Variants in CDH4 observed in about 807,000 individuals in gnomAD.
CDH4 encodes the protein cadherin-4.
A neutral mutation model predicts 86.0 loss-of-function variants in CDH4; 33 were observed. That is an observed-to-expected ratio of 0.38 (90% CI 0.29 to 0.51). The LOEUF is 0.51. Among genes scored for constraint, CDH4 ranks in the 20% least tolerant of loss-of-function variants. CDH4 has a pLI of 0.86. For missense variants in CDH4, 1,114 were observed against 1,307.4 expected (o/e 0.85, Z 2.28); for synonymous variants, 555 against 549.4 (o/e 1.01, Z -0.14).
At chr20:61,368,775 C>T (rs979247167) in intron 2 of CDH4, among the ~76,000 whole-genome samples, 5 of 152,082 alleles carry the variant, frequency 3.3e-5, no homozygotes, top group African/African-American at 1.2e-4. Context: ...CCTTGGCCTC[C>T]CAAAGTGCTG....
chr20:61,687,663 C>T (rs1471608508), intron 2 of CDH4, among the ~76,000 whole-genome samples: 1 of 152,122 alleles, frequency 6.6e-6, no homozygotes, highest in African/African-American at 2.4e-5. Flanking sequence ...TTTTTAAATT[C>T]CCAAGTAAAT....
chr20:61,734,705 C>A (rs959012622), intron 2 of CDH4, among the ~76,000 whole-genome samples: 7 of 152,106 alleles, frequency 4.6e-5, no homozygotes, highest in Non-Finnish European at 1.0e-4. Flanking sequence ...CCCCTCCCAG[C>A]CTGGCATGCT....
At chr20:61,660,938 T>A (rs1484323158) in intron 2 of CDH4, among the ~76,000 whole-genome samples, 1 of 152,242 alleles carries the variant, frequency 6.6e-6, no homozygotes, top group Non-Finnish European at 1.5e-5. Context: ...GTGACTTTGC[T>A]CAAGGCCAGC....
intron 2 of CDH4, among the ~76,000 whole-genome samples, chr20:61,737,755 C>A (rs904062185): frequency 3.3e-5 from 5 of 152,322 alleles, no homozygotes; most frequent in African/African-American, 1.2e-4. Flanking sequence ...TGCCCTATGC[C>A]AGGTACTGAG....
chr20:61,484,613 G>A (rs1359819218), intron 2 of CDH4, among the ~76,000 whole-genome samples: 1 of 152,230 alleles, frequency 6.6e-6, no homozygotes, highest in Admixed American at 6.5e-5. Flanking sequence ...GAAGAACGTG[G>A]ACCACGTTTG....
chr20:61,470,059 A>G (rs958878557), intron 2 of CDH4, among the ~76,000 whole-genome samples: 1 of 152,028 alleles, frequency 6.6e-6, no homozygotes, highest in African/African-American at 2.4e-5. Context: ...TTGTGGTTCT[A>G]TATACATTTT....
At chr20:61,465,619 T>C (rs950522651) in intron 2 of CDH4, among the ~76,000 whole-genome samples, 4 of 152,184 alleles carry the variant, frequency 2.6e-5, no homozygotes, top group Non-Finnish European at 5.9e-5. Context: ...TGGACATATG[T>C]TTGAACTGTT....
At position 61,377,003 on chromosome 20, in the gene CDH4, C is replaced by A. The variant is rs114258813; in HGVS notation, c.169+122066C>A. ...CAACTCTTTCATCCCAACCAGTGAGCGCTAGTTAGGCAAGCTGGAAAGCTG... is the reference window on the plus strand; with the variant it reads ...CAACTCTTTCATCCCAACCAGTGAGAGCTAGTTAGGCAAGCTGGAAAGCTG... On this transcript the variant is annotated intron_variant, in intron 2 of 15. Transcript: ENST00000614565. This position sits in a 1 kb window ranked among gnomAD's most constrained non-coding sequence, Gnocchi z 4.0. 6.6e-6 allele frequency among the ~76,000 whole-genome samples: 1 copy of A among 152,136 alleles called. No homozygotes were observed. The highest frequency in any genetic ancestry group is 1.5e-5 in the Non-Finnish European group (1 of 68,036).
chr20:61,929,772 C>CGCAGTG lies in CDH4; in HGVS notation c.2174_2179dup (p.Val725_Ala726dup). ...ACAACGGGGACTGCACCACCATTGG[C>CGCAGTG]GCAGTGGCAGCGGCTGGTCTGGGCA... On this transcript the variant is annotated inframe_insertion, in exon 13 of 16. Transcript: ENST00000614565. 6.2e-7 allele frequency: 1 copy of CGCAGTG among 1,614,122 alleles called. No individual in the cohort carries two copies. Among genetic ancestry groups the CGCAGTG allele is most frequent in the Non-Finnish European group, 8.5e-7 (1 of 1,179,992 alleles).
chr20:61,691,289 ATG>A (rs1017480401), intron 2 of CDH4, among the ~76,000 whole-genome samples: 1 of 151,672 alleles, frequency 6.6e-6, no homozygotes, highest in African/African-American at 2.4e-5. Flanking sequence ...GCGTGTGCAT[ATG>A]TGTGTGTATG....
At chr20:61,648,502 A>G (rs1347699644) in intron 2 of CDH4, among the ~76,000 whole-genome samples, 1 of 152,182 alleles carries the variant, frequency 6.6e-6, no homozygotes, top group African/African-American at 2.4e-5. Context: ...AGCTCTGCCG[A>G]GCCCCACTTT....
chr20:61,512,987 TTTTG>T (rs1297351638), intron 2 of CDH4, among the ~76,000 whole-genome samples: 2 of 151,992 alleles, frequency 1.3e-5, no homozygotes, highest in East Asian at 1.9e-4. Context: ...CCCCGTAGAG[TTTTG>T]TTTTTTTCCA....
At position 61,692,468 on chromosome 20, in the gene CDH4, A is replaced by G. The variant is rs1023547012; in HGVS notation, c.170-51095A>G. On this transcript the variant is annotated intron_variant, in intron 2 of 15. Transcript: ENST00000614565. ...ATCTGTTTGAAATAGATAGACTGAC[A>G]TAAGACTAATCTCCCTTTAGGCTTA... Among the ~76,000 whole-genome samples, 8 of 152,256 alleles carry G rather than the reference A, an allele frequency of 5.3e-5. 1 individual carries two copies. Among genetic ancestry groups the G allele is most frequent in the Admixed American group, 3.9e-4 (6 of 15,282 alleles).
At chr20:61,512,317 C>G (rs995787276) in intron 2 of CDH4, among the ~76,000 whole-genome samples, 1 of 152,096 alleles carries the variant, frequency 6.6e-6, no homozygotes, top group Non-Finnish European at 1.5e-5. Context: ...GAAAAGACCT[C>G]GAGAGTTCTT....
At chr20:61,731,329 C>T (rs2088183252) in intron 2 of CDH4, among the ~76,000 whole-genome samples, 1 of 152,150 alleles carries the variant, frequency 6.6e-6, no homozygotes, top group Non-Finnish European at 1.5e-5. Context: ...TTCTGTGTTC[C>T]CGCAGCACCC....
intron 2 of CDH4, among the ~76,000 whole-genome samples, chr20:61,332,862 G>T (rs2084590945): frequency 1.3e-5 from 2 of 152,238 alleles, no homozygotes; most frequent in Admixed American, 1.3e-4. Context: ...TTCGGGAGAA[G>T]GCTGTGGTCA....
chr20:61,523,007 C>T (rs2085883838), intron 2 of CDH4, among the ~76,000 whole-genome samples: 2 of 152,320 alleles, frequency 1.3e-5, no homozygotes, highest in South Asian at 4.1e-4. Context: ...GCTCCATCAG[C>T]CACCGGCCTC....
intron 2 of CDH4, among the ~76,000 whole-genome samples, chr20:61,410,824 C>T (rs7262090): frequency 0.017 from 2,661 of 152,202 alleles, 77 homozygotes; most frequent in African/African-American, 0.061. Context: ...TTCCATTCCT[C>T]CCACTGGTCT....
At chr20:61,260,945 A>G (rs1441672800) in intron 2 of CDH4, among the ~76,000 whole-genome samples, 4 of 152,246 alleles carry the variant, frequency 2.6e-5, no homozygotes, top group Non-Finnish European at 5.9e-5. Flanking sequence ...TGCATGGTGC[A>G]TCATCTGCAG....
Sources: allele counts gnomAD v4.1 joint callset (sites outside exome capture counted in the v4.1 genomes callset), GRCh38; gene constraint gnomAD v4.1.1; non-coding constraint Gnocchi (gnomAD v3.1); transcripts MANE v1.5; gene names NCBI Gene and HGNC (gene_info 2026-07-23, HGNC 2026-07-21).